The following NXNL2 variants were observed in gnomAD, a reference collection of about 807,000 sequenced individuals.
NXNL2 encodes the protein nucleoredoxin like 2, also known as nucleoredoxin-like protein 2.
In NXNL2, 7 loss-of-function variants were observed where a neutral mutation model predicts 11.1. That is an observed-to-expected ratio of 0.63 (90% CI 0.36 to 1.18). NXNL2 has a LOEUF of 1.18. NXNL2 is among the 50% of genes most tolerant of loss of function. The probability of loss-of-function intolerance (pLI) is 0.02; values close to 1 mark genes in which losing one functional copy is unlikely to be tolerated. For missense variants in NXNL2, 233 were observed against 217.7 expected, an observed-to-expected ratio of 1.07 and a Z score of -0.44; for synonymous variants, 109 against 101.8, an observed-to-expected ratio of 1.07 and a Z score of -0.42.
intron 1 of NXNL2, among the ~76,000 whole-genome samples, chr9:88,582,781 G>A (rs1830423546): frequency 6.6e-6 from 1 of 152,142 alleles, no homozygotes; most frequent in Non-Finnish European, 1.5e-5. Context: ...CAATTCTTGT[G>A]CCTTAGCCTC....
chr9:88,570,005 A>T (rs1830236803), intron 1 of NXNL2, among the ~76,000 whole-genome samples: 1 of 151,470 alleles, frequency 6.6e-6, no homozygotes, highest in Non-Finnish European at 1.5e-5. Context: ...CTCCATGCCC[A>T]TTCAGGGCTT....
chr9:88,575,609 G>A (rs1830339048), exon 3 of NXNL2: 1 of 152,138 alleles, frequency 6.6e-6, no homozygotes, highest in Non-Finnish European at 1.5e-5. Flanking sequence ...AAGCTGGAAA[G>A]GAAAGTGGGG....
intron 1 of NXNL2, among the ~76,000 whole-genome samples, chr9:88,543,352 G>A (rs545753622): frequency 5.3e-5 from 8 of 151,150 alleles, no homozygotes; most frequent in Admixed American, 2.6e-4. Context: ...CTGCAGCCTC[G>A]ACCTCCTGGG....
intron 2 of NXNL2, among the ~76,000 whole-genome samples, chr9:88,573,217 C>T (rs1443883736): frequency 6.6e-6 from 1 of 151,852 alleles, no homozygotes; most frequent in African/African-American, 2.4e-5. Context: ...GATCTCAGCT[C>T]ATTGCAGCCT....
chr9:88,553,978 G>C (rs1829978613), intron 1 of NXNL2, among the ~76,000 whole-genome samples: 1 of 152,096 alleles, frequency 6.6e-6, no homozygotes, highest in African/African-American at 2.4e-5. Flanking sequence ...TTAGTACAAG[G>C]TTTTAGATAT....
intron 1 of NXNL2, among the ~76,000 whole-genome samples, chr9:88,570,658 G>A (rs79970871): frequency 0.026 from 4,004 of 152,252 alleles, 173 homozygotes; most frequent in African/African-American, 0.086. Context: ...CATCCAGCAC[G>A]CAGCAAACAT....
intron 1 of NXNL2, among the ~76,000 whole-genome samples, chr9:88,563,006 T>A (rs1449331266): frequency 6.6e-6 from 1 of 151,924 alleles, no homozygotes; most frequent in African/African-American, 2.4e-5. Context: ...GAGAATCGCT[T>A]GAACCCAGGA....
At chr9:88,566,916 A>C (rs1404244878) in intron 1 of NXNL2, among the ~76,000 whole-genome samples, 2 of 151,972 alleles carry the variant, frequency 1.3e-5, no homozygotes, top group Admixed American at 1.3e-4. Context: ...TCATCTATCT[A>C]TCTATCTATC....
chr9:88,548,339 C>CAAAAAAAAAAAAAAAAAAAAAAAAAA, downstream of NXNL2, among the ~76,000 whole-genome samples: 1 of 31,070 alleles, frequency 3.2e-5, no homozygotes, highest in Non-Finnish European at 5.5e-5. Context: ...GACTTTTTCT[C>CAAAAAAAAAAAAAAAAAAAAAAAAAA]AAAAAAAAAA....
exon 3 of NXNL2, chr9:88,575,125 G>A (rs1419739665): frequency 1.0e-6 from 1 of 985,100 alleles, no homozygotes; most frequent in Admixed American, 6.2e-5. Flanking sequence ...ATATTGAAGA[G>A]GAGTTGGACA....
At chr9:88,575,162 C>A (rs4269628) in exon 3 of NXNL2, 4 of 984,910 alleles carry the variant, frequency 4.1e-6, no homozygotes, top group Non-Finnish European at 4.8e-6. Context: ...GTTCTCCCCC[C>A]GCACCATCCG....
Position 88,535,458 on chromosome 9 carries a change from G to A in NXNL2, c.24G>A (p.Arg8=). The change falls in exon 1 of 2, where the codon CGG becomes CGA. Residue 8 remains arginine, a synonymous_variant. Coordinates refer to ENST00000375854, the MANE Select transcript of NXNL2 (RefSeq NM_001161625.2). MVDILGE[R]HLVTCKGATV... is the part of the protein sequence containing the mutation. ...CCATGGTTGACATTCTGGGCGAGCG[G>A]CACCTGGTGACCTGTAAGGGCGCGA... 2 of 1,604,674 alleles carry A rather than the reference G, an allele frequency of 1.2e-6. No individual in the cohort carries two copies. The highest frequency in any genetic ancestry group is 1.7e-6 in the Non-Finnish European group (2 of 1,176,354).
chr9:88,548,340 A>C (rs13299278), downstream of NXNL2, among the ~76,000 whole-genome samples: 3 of 14,162 alleles, frequency 2.1e-4, no homozygotes, highest in African/African-American at 1.6e-3. Flanking sequence ...ACTTTTTCTC[A>C]AAAAAAAAAA....
chr9:88,567,195 A>G (rs1830188350), intron 1 of NXNL2, among the ~76,000 whole-genome samples: 1 of 151,972 alleles, frequency 6.6e-6, no homozygotes, highest in African/African-American at 2.4e-5. Flanking sequence ...CTGGAGTGCA[A>G]TGACGTAACC....
chr9:88,554,873 T>C (rs1829989380), intron 1 of NXNL2, among the ~76,000 whole-genome samples: 1 of 152,154 alleles, frequency 6.6e-6, no homozygotes, highest in Non-Finnish European at 1.5e-5. Flanking sequence ...GGAGACTGAG[T>C]CACGTAGCAT....
exon 2 of NXNL2, chr9:88,571,204 T>C (rs1830260054): frequency 3.7e-6 from 1 of 270,690 alleles, no homozygotes; most frequent in African/African-American, 2.4e-5. Context: ...CATCTGGGAC[T>C]ACAGGTGCGT....
chr9:88,544,612 A>G lies in NXNL2; in HGVS notation c.*65A>G. ...CTCCAGCACCGACGCTGGGGCAAAG[A>G]GGAGCATGTTGGGTTCCTTCCTCTG... On this transcript the variant is annotated 3_prime_UTR_variant, in exon 2 of 2. Coordinates refer to ENST00000375854, the MANE Select transcript of NXNL2 (RefSeq NM_001161625.2). The G allele has an allele frequency of 6.9e-7, 1 of 1,458,396 alleles. No individual in the cohort carries two copies. The allele number at this position is 1,458,396 out of a possible 1,614,324, so 90.3% of individuals were successfully genotyped here. A position where few individuals can be genotyped will look rare whatever the true frequency, so the allele number is the denominator to read the frequency against.
chr9:88,535,835 C>A (rs1462061588), intron 1 of NXNL2, 99 bp downstream of exon 1: 2 of 876,152 alleles, frequency 2.3e-6, no homozygotes, highest in Non-Finnish European at 3.4e-6. Context: ...TATGACGCCC[C>A]CCCCCAACAC....
downstream of NXNL2, among the ~76,000 whole-genome samples, chr9:88,576,210 C>CA (rs1158683373): frequency 1.3e-5 from 2 of 151,956 alleles, no homozygotes; most frequent in African/African-American, 4.8e-5. Context: ...GAAAACAAAA[C>CA]AAACAAACAA....
Sources: allele counts gnomAD v4.1 joint callset (sites outside exome capture counted in the v4.1 genomes callset), GRCh38; gene constraint gnomAD v4.1.1; transcripts MANE v1.5; gene names NCBI Gene and HGNC (gene_info 2026-07-23, HGNC 2026-07-21).